USP34: variants seen among roughly 807,000 people sequenced by gnomAD.
The protein encoded by USP34 is ubiquitin specific peptidase 34, also known as ubiquitin carboxyl-terminal hydrolase 34.
USP34 carries 70 observed loss-of-function variants against 460.3 expected under a neutral mutation model. The observed-to-expected ratio is 0.15, with a 90% CI of 0.13 to 0.19. USP34 has a LOEUF of 0.19. USP34 is among the 10% of genes least tolerant of loss of function. The probability of loss-of-function intolerance (pLI) is 1.00; values close to 1 mark genes in which losing one functional copy is unlikely to be tolerated. For synonymous variants in USP34, 1,647 were observed against 1,405.3 expected (o/e 1.17, Z -3.85); for missense variants, 3,985 against 4,236.2 (o/e 0.94, Z 1.65).
intron 3 of USP34, among the ~76,000 whole-genome samples, chr2:61,399,392 A>C (rs1403857856): frequency 6.6e-6 from 1 of 151,976 alleles, no homozygotes; most frequent in Non-Finnish European, 1.5e-5. Flanking sequence ...AGTGTTACTC[A>C]GATTTGATTA....
intron 44 of USP34, among the ~76,000 whole-genome samples, chr2:61,258,259 G>C (rs1167495010): frequency 6.6e-6 from 1 of 152,156 alleles, no homozygotes; most frequent in Non-Finnish European, 1.5e-5. Context: ...GCAGTGTCGA[G>C]GTTGCCATGA....
In USP34 at chr2:61,304,039, G is replaced by A. The variant is rs188174097; in HGVS notation, c.3818-2585C>T. Among the ~76,000 whole-genome samples the A allele has an allele frequency of 3.9e-5, 6 of 151,974 alleles. No individual in the cohort carries two copies. In the East Asian group the frequency reaches 7.7e-4, roughly 20 times the overall value. The stretch of plus-strand genomic sequence containing the variant: ...CAGCCTTCCAAGTAGCTGGGATTAC[G>A]GGTGCACACCACCAGGCCCAGCTAA... On this transcript the variant is annotated intron_variant, in intron 27 of 79. Transcript: ENST00000398571.
At position 61,380,437 on chromosome 2, in the gene USP34, T is replaced by C. The variant is rs553628786; in HGVS notation, c.822-76A>G. The C allele has an allele frequency of 4.9e-6, 7 of 1,430,454 alleles. No individual in the cohort carries two copies. The South Asian group carries it at 6.9e-5, about 14-fold the overall frequency. The allele number at this position is 1,430,454 out of a possible 1,614,324, so 88.6% of individuals were successfully genotyped here. ...AAAGACCACTCAGTAACTTAAAATG[T>C]ACATTGTAAGCATTAACATTTTTTG... On this transcript the variant is annotated intron_variant, in intron 6 of 79. Coordinates refer to ENST00000398571, the MANE Select transcript of USP34 (RefSeq NM_014709.4).
At chr2:61,293,648 CT>C (rs1184616625) in intron 32 of USP34, 98 bp from the exon 33 acceptor site, 11 of 778,600 alleles carry the variant, frequency 1.4e-5, no homozygotes, top group Non-Finnish European at 1.9e-5. Flanking sequence ...TATTACGTAT[CT>C]TTTATTTACA....
intron 58 of USP34, 90 bp downstream of exon 58, chr2:61,232,362 G>A (rs1687931475): frequency 2.8e-6 from 3 of 1,081,856 alleles, no homozygotes; most frequent in East Asian, 2.4e-5. Context: ...TCAATATTAG[G>A]TTAAGACACA....
intron 8 of USP34, among the ~76,000 whole-genome samples, chr2:61,372,078 A>C (rs922031161): frequency 5.9e-5 from 9 of 152,316 alleles, no homozygotes; most frequent in African/African-American, 2.2e-4. Context: ...AATAAGTTTC[A>C]AAATAAATTG....
intron 27 of USP34, among the ~76,000 whole-genome samples, chr2:61,309,188 C>G (rs573092201): frequency 6.6e-6 from 1 of 152,140 alleles, no homozygotes; most frequent in South Asian, 2.1e-4. Flanking sequence ...GAATTCTTTA[C>G]CCAGCTAATT....
chr2:61,412,965 G>A (rs551796659), intron 2 of USP34, among the ~76,000 whole-genome samples: 9 of 150,528 alleles, frequency 6.0e-5, no homozygotes, highest in African/African-American at 1.9e-4. Context: ...ATAGTTCCAA[G>A]AAGTGAGAGC....
At chr2:61,364,677 C>A (rs886959923) in intron 10 of USP34, among the ~76,000 whole-genome samples, 1 of 152,072 alleles carries the variant, frequency 6.6e-6, no homozygotes, top group African/African-American at 2.4e-5. Flanking sequence ...GTCTATTATC[C>A]CAGCACTTTG....
chr2:61,294,050 A>G lies in USP34; in HGVS notation c.4462-500T>C, dbSNP rs145772417. 4.8e-3 allele frequency among the ~76,000 whole-genome samples: 732 copies of G among 151,800 alleles called. 3 individuals are homozygous for G. The highest frequency in any genetic ancestry group is 0.017 in the African/African-American group (701 of 41,396). On this transcript the variant is annotated intron_variant, in intron 32 of 79. Transcript: ENST00000398571. ...AAATAAAACAAACAAGAATTTAAAA[A>G]AATATACACTTGAGGCCAGGCGCGG... is the stretch of plus-strand genomic sequence containing the variant.
At chr2:61,196,931 T>TAA (rs1421966337) in intron 75 of USP34, among the ~76,000 whole-genome samples, 2 of 152,218 alleles carry the variant, frequency 1.3e-5, no homozygotes, top group Non-Finnish European at 2.9e-5. Flanking sequence ...TTATGATCTC[T>TAA]AATCACTTTG....
At chr2:61,451,241 A>AAAAAAAAAAAC (rs1445445968) in intron 1 of USP34, among the ~76,000 whole-genome samples, 1 of 150,174 alleles carries the variant, frequency 6.7e-6, no homozygotes, top group Non-Finnish European at 1.5e-5. Flanking sequence ...AAAAAAAAAA[A>AAAAAAAAAAAC]AAAAGAAATG....
intron 23 of USP34, 88 bp from the exon 24 acceptor site, chr2:61,315,062 G>C (rs1198548280): frequency 5.4e-6 from 5 of 918,056 alleles, no homozygotes; most frequent in South Asian, 3.7e-5. Flanking sequence ...AAAAATCATA[G>C]GCAACTCCTA....
In USP34 at chr2:61,394,830, G is replaced by T. The variant is rs765361268; in HGVS notation, c.753+23C>A. 14 of 1,486,614 alleles carry T rather than the reference G, an allele frequency of 9.4e-6. No individual in the cohort carries two copies. In the Admixed American group the frequency reaches 3.3e-4, roughly 35 times the overall value. 92.1% of individuals were successfully genotyped at this position (1,486,614 alleles called of 1,614,324 possible). On this transcript the variant is annotated intron_variant, in intron 5 of 79. Transcript: ENST00000398571. ...TGCTAGACATTGCTCCCAAAATTAA[G>T]ATCAATTCAAAACAATACTTACATT...
chr2:61,457,033 T>A (rs1339218462), intron 1 of USP34, among the ~76,000 whole-genome samples: 1 of 151,762 alleles, frequency 6.6e-6, no homozygotes, highest in Non-Finnish European at 1.5e-5. Flanking sequence ...CCCAGCACTT[T>A]AAGAGGCTGG....
intron 22 of USP34, among the ~76,000 whole-genome samples, chr2:61,318,049 C>T (rs116706495): frequency 1.2e-3 from 179 of 151,820 alleles, no homozygotes; most frequent in Middle Eastern, 0.01. Context: ...AAAAATCAGC[C>T]GGGCATGGTG....
In USP34 at chr2:61,259,781, A is replaced by C; in HGVS notation, c.5779-5T>G. ...GTGCTTCATATCCTCTGAATACTGA[A>C]AATCAAGAGAAAACACCATTAAAAA... On this transcript the variant is annotated splice_polypyrimidine_tract_variant and splice_region_variant and intron_variant, in intron 43 of 79. Transcript: ENST00000398571. The C allele has an allele frequency of 6.2e-7, 1 of 1,612,108 alleles. No homozygotes were observed. The highest frequency in any genetic ancestry group is 2.2e-5 in the East Asian group (1 of 44,872).
chr2:61,467,655 T>C (rs1695816737), intron 1 of USP34, among the ~76,000 whole-genome samples: 1 of 147,238 alleles, frequency 6.8e-6, no homozygotes. Flanking sequence ...AGTCTTGTTC[T>C]GTGGCCGAGG....
intron 1 of USP34, among the ~76,000 whole-genome samples, chr2:61,440,400 C>G (rs1044660079): frequency 6.6e-6 from 1 of 152,162 alleles, no homozygotes; most frequent in Non-Finnish European, 1.5e-5. Context: ...CTGTGCCCAG[C>G]TGCAAACAGT....
Sources: gnomAD v4.1 joint callset for allele counts (sites outside exome capture counted in the v4.1 genomes callset) on GRCh38, gnomAD v4.1.1 for gene constraint, MANE v1.5 for transcripts, NCBI Gene and HGNC (gene_info 2026-07-23, HGNC 2026-07-21) for gene names.